The following IGF2R variants were observed in gnomAD, a reference collection of about 807,000 sequenced individuals.
IGF2R encodes insulin like growth factor 2 receptor, also known as cation-independent mannose-6-phosphate receptor.
Under a neutral mutation model 270.6 loss-of-function variants are expected in IGF2R, and 91 were observed. The observed-to-expected ratio is 0.34, with a 90% CI of 0.28 to 0.40. The LOEUF (loss-of-function observed/expected upper bound fraction) is 0.40. IGF2R is among the 10% of genes least tolerant of loss of function. IGF2R has a pLI of 1.00. For missense variants in IGF2R, 2,805 were observed against 3,188.3 expected, an observed-to-expected ratio of 0.88 and a Z score of 2.90; for synonymous variants, 1,316 against 1,258.9, an observed-to-expected ratio of 1.05 and a Z score of -0.96.
In IGF2R at chr6:160,075,730, G is replaced by C. The variant is rs1467836274; in HGVS notation, c.5167-117G>C. 5 of 1,003,184 alleles carry C rather than the reference G, an allele frequency of 5.0e-6. No individual in the cohort carries two copies. In the Admixed American group the frequency reaches 1.1e-4, roughly 22 times the overall value. The allele number at this position is 1,003,184 out of a possible 1,614,324, so 62.1% of individuals were successfully genotyped here. On this transcript the variant is annotated intron_variant, in intron 35 of 47. Coordinates refer to ENST00000356956, the MANE Select transcript of IGF2R (RefSeq NM_000876.4). ...TATAAACCCAGTTTCTTTAGATGCT[G>C]CTCATTCTCAGAACCTATGAGGTCT...
chr6:160,093,873 C>T (rs1289834511), intron 44 of IGF2R: 3 of 725,826 alleles, frequency 4.1e-6, no homozygotes, highest in Non-Finnish European at 7.8e-6. Flanking sequence ...GGCAGTATCG[C>T]AGACAGGACC....
At chr6:160,071,277 G>A (rs1170023979) in intron 31 of IGF2R, among the ~76,000 whole-genome samples, 1 of 136,854 alleles carries the variant, frequency 7.3e-6, no homozygotes, top group African/African-American at 2.9e-5. Context: ...AGGCTGGGAG[G>A]GAAGGGTGGG....
chr6:160,078,082 T>G (rs1778892785), intron 36 of IGF2R, 119 bp from the exon 37 acceptor site: 1 of 926,768 alleles, frequency 1.1e-6, no homozygotes. Context: ...TTGTCTAGCA[T>G]CCCTTCCCTC....
rs1429223095 is a variant in IGF2R, at chr6:160,105,936, TGTGA to T, written c.*856_*859del. ...GTGTGTGTGTGTGTGTGTGTGTGTG[TGTGA>T]GTGGAGTTGAGGTGTCAGAGAAAAT... is the stretch of plus-strand genomic sequence containing the variant. On this transcript the variant is annotated 3_prime_UTR_variant, in exon 48 of 48. Coordinates refer to ENST00000356956, the MANE Select transcript of IGF2R (RefSeq NM_000876.4). 929 of 152,066 alleles carry T rather than the reference TGTGA, an allele frequency of 6.1e-3. 12 individuals are homozygous for T. Among genetic ancestry groups the T allele is most frequent in the African/African-American group, 0.02 (831 of 41,284 alleles). The allele number at this position is 152,066 out of a possible 1,614,324, so 9.4% of individuals were successfully genotyped here.
At chr6:159,983,022 T>G (rs1783829414) in intron 1 of IGF2R, among the ~76,000 whole-genome samples, 2 of 152,210 alleles carry the variant, frequency 1.3e-5, no homozygotes, top group South Asian at 4.1e-4. Flanking sequence ...CCAATGTCAG[T>G]TTAAAGATAT....
At chr6:160,085,689 T>C (rs537215111) in intron 41 of IGF2R, among the ~76,000 whole-genome samples, 8 of 152,372 alleles carry the variant, frequency 5.3e-5, no homozygotes, top group Non-Finnish European at 1.2e-4. Flanking sequence ...AAGGAAAATA[T>C]TCACCTTTGC....
chr6:160,096,840 C>A (rs772593361), intron 45 of IGF2R, among the ~76,000 whole-genome samples: 1 of 152,156 alleles, frequency 6.6e-6, no homozygotes, highest in Non-Finnish European at 1.5e-5. Flanking sequence ...GCTGCGTCAC[C>A]TCCCACCACC....
At chr6:160,057,833 G>A (rs1280114536) in intron 20 of IGF2R, among the ~76,000 whole-genome samples, 190 bp from the exon 21 acceptor site, 1 of 152,134 alleles carries the variant, frequency 6.6e-6, no homozygotes, top group Non-Finnish European at 1.5e-5. Context: ...CTCACACTTG[G>A]TATACTTCAG....
intron 30 of IGF2R, among the ~76,000 whole-genome samples, chr6:160,069,309 G>T (rs1369025871): frequency 6.6e-6 from 1 of 152,146 alleles, no homozygotes; most frequent in Non-Finnish European, 1.5e-5. Context: ...CTCAAAGGCG[G>T]TGTGGTTATT....
intron 1 of IGF2R, among the ~76,000 whole-genome samples, chr6:159,989,631 T>A (rs930644435): frequency 6.6e-6 from 1 of 152,238 alleles, no homozygotes; most frequent in Non-Finnish European, 1.5e-5. Flanking sequence ...GGGATCTTGG[T>A]ATGTTGCCCA....
intron 26 of IGF2R, 37 bp from the exon 27 acceptor site, chr6:160,063,378 G>A (rs374434742): frequency 3.4e-6 from 5 of 1,486,754 alleles, no homozygotes; most frequent in African/African-American, 1.4e-5. Context: ...TGCGTGTGTG[G>A]TTGCAGTTGC....
chr6:160,091,899 C>G (rs182588206), intron 44 of IGF2R, among the ~76,000 whole-genome samples: 6 of 152,350 alleles, frequency 3.9e-5, no homozygotes, highest in Admixed American at 3.3e-4. Context: ...GCCTTGCAAG[C>G]TGCTGCTCCT....
chr6:160,035,251 G>A (rs78032685), intron 10 of IGF2R, among the ~76,000 whole-genome samples: 1,789 of 152,282 alleles, frequency 0.012, 41 homozygotes, highest in African/African-American at 0.041. Flanking sequence ...CAGCCTAAGT[G>A]CTGCCCCACC....
At chr6:159,995,076 C>T (rs190718574) in intron 2 of IGF2R, among the ~76,000 whole-genome samples, 20 of 152,168 alleles carry the variant, frequency 1.3e-4, no homozygotes, top group African/African-American at 4.3e-4. Flanking sequence ...CTGTCTATCT[C>T]CTCTTAGGTC....
At chr6:160,006,983 T>C (rs1360828454) in intron 2 of IGF2R, 2 of 151,964 alleles carry the variant, frequency 1.3e-5, no homozygotes, top group East Asian at 3.9e-4. Flanking sequence ...CTAAGTTATC[T>C]TCCTATGTGT....
At position 160,105,809 on chromosome 6, in the gene IGF2R, CATG is replaced by C. The variant is rs1372590970; in HGVS notation, c.*728_*730del. ...AGTCAGGAATGGCTGCACCTTTTTG[CATG>C]ATATCTTCAAGCCTGGGCGTACAGA... is the stretch of plus-strand genomic sequence containing the variant. On this transcript the variant is annotated 3_prime_UTR_variant, in exon 48 of 48. Transcript: ENST00000356956. 6.6e-6 allele frequency: 1 copy of C among 152,552 alleles called. No homozygotes were observed. Among genetic ancestry groups the C allele is most frequent in the Non-Finnish European group, 1.5e-5 (1 of 68,068 alleles). 9.4% of individuals were successfully genotyped at this position (152,552 alleles called of 1,614,324 possible).
rs773927409 is a variant in IGF2R at position 160,048,361 on chromosome 6, C to T, written c.2346-14C>T. 1 of 1,613,420 alleles carries T rather than the reference C, an allele frequency of 6.2e-7. No individual in the cohort carries two copies. The highest frequency in any genetic ancestry group is 8.5e-7 in the Non-Finnish European group (1 of 1,179,328). Reference sequence around the variant, plus strand: ...GCTCTTTAAAAGCATATACATTTTGCTTTGAAATTTTAGTCTGGCAAAATC... The same window carrying T: ...GCTCTTTAAAAGCATATACATTTTGTTTTGAAATTTTAGTCTGGCAAAATC... On this transcript the variant is annotated splice_polypyrimidine_tract_variant and intron_variant, in intron 17 of 47. Transcript: ENST00000356956.
intron 29 of IGF2R, among the ~76,000 whole-genome samples, chr6:160,067,263 C>T (rs1388582704): frequency 2.0e-5 from 3 of 151,988 alleles, no homozygotes; most frequent in African/African-American, 7.3e-5. Context: ...TACTGGGTGC[C>T]AGGATGGTCA....
intron 31 of IGF2R, 64 bp from the exon 32 acceptor site, chr6:160,071,846 G>A: frequency 1.3e-6 from 2 of 1,590,520 alleles, no homozygotes; most frequent in South Asian, 2.2e-5. Context: ...CTTGTAAGTT[G>A]AAATCATGAT....
Sources: allele counts gnomAD v4.1 joint callset (sites outside exome capture counted in the v4.1 genomes callset), GRCh38; gene constraint gnomAD v4.1.1; transcripts MANE v1.5; gene names NCBI Gene and HGNC (gene_info 2026-07-23, HGNC 2026-07-21).